SPAG16: variants seen among roughly 807,000 people sequenced by gnomAD.
The protein encoded by SPAG16 is sperm associated antigen 16.
SPAG16 carries 86 observed loss-of-function variants against 80.4 expected under a neutral mutation model. The ratio of observed to expected loss-of-function variants is 1.07; its 90% CI spans 0.90 to 1.28. SPAG16 has a LOEUF of 1.28. SPAG16 is among the 50% of genes most tolerant of loss of function. The pLI, the probability that SPAG16 is intolerant of heterozygous loss-of-function variation, is 0.00. For synonymous variants in SPAG16, 294 were observed against 265.9 expected, an observed-to-expected ratio of 1.11 and a Z score of -1.03; for missense variants, 870 against 765.3, an observed-to-expected ratio of 1.14 and a Z score of -1.61.
chr2:214,096,662 A>G (rs975551317), intron 13 of SPAG16, among the ~76,000 whole-genome samples: 5 of 152,090 alleles, frequency 3.3e-5, no homozygotes, highest in Admixed American at 6.6e-5. Flanking sequence ...ACAAAGAAAT[A>G]AAAAATACTA....
chr2:213,662,091 C>A (rs1288052269), intron 10 of SPAG16, among the ~76,000 whole-genome samples: 1 of 151,470 alleles, frequency 6.6e-6, no homozygotes, highest in Non-Finnish European at 1.5e-5. Flanking sequence ...AGGCCAGATA[C>A]TAGGCTAGGT....
At chr2:213,699,526 G>A (rs569154342) in intron 10 of SPAG16, among the ~76,000 whole-genome samples, 6 of 152,176 alleles carry the variant, frequency 3.9e-5, no homozygotes, top group African/African-American at 1.4e-4. Context: ...CTAATAATAT[G>A]GGCTAATGGG....
At chr2:214,083,841 A>C (rs2051544363) in intron 13 of SPAG16, among the ~76,000 whole-genome samples, 1 of 152,080 alleles carries the variant, frequency 6.6e-6, no homozygotes, top group South Asian at 2.1e-4. Flanking sequence ...AGAAATGCAC[A>C]AAGTCCTGCT....
intron 9 of SPAG16, among the ~76,000 whole-genome samples, chr2:213,416,099 C>G (rs990591915): frequency 2.6e-5 from 4 of 152,210 alleles, no homozygotes; most frequent in Non-Finnish European, 5.9e-5. Context: ...ATGTCACATA[C>G]AGTGAGTTTG....
intron 14 of SPAG16, among the ~76,000 whole-genome samples, chr2:214,112,257 C>T (rs1022160705): frequency 7.2e-5 from 11 of 151,982 alleles, no homozygotes; most frequent in African/African-American, 1.2e-4. Context: ...AGAATAAGTG[C>T]GATGTGGTGC....
intron 15 of SPAG16, among the ~76,000 whole-genome samples, chr2:214,165,484 T>A (rs2056613757): frequency 1.7e-5 from 2 of 115,324 alleles, no homozygotes; most frequent in Admixed American, 1.9e-4. Flanking sequence ...TTTTTTTTTT[T>A]TTTTTTTTTT....
chr2:213,427,188 C>A (rs2069987219), intron 9 of SPAG16, among the ~76,000 whole-genome samples: 1 of 152,140 alleles, frequency 6.6e-6, no homozygotes, highest in Non-Finnish European at 1.5e-5. Context: ...AAATAATATG[C>A]AAAATACATA....
chr2:213,503,439 T>C (rs771930131), intron 10 of SPAG16, among the ~76,000 whole-genome samples: 1 of 152,244 alleles, frequency 6.6e-6, no homozygotes, highest in Non-Finnish European at 1.5e-5. Flanking sequence ...GAACATTTGA[T>C]GATGAAGTGA....
intron 10 of SPAG16, among the ~76,000 whole-genome samples, chr2:213,818,799 C>G (rs139251266): frequency 0.013 from 1,980 of 152,160 alleles, 51 homozygotes; most frequent in African/African-American, 0.045. Flanking sequence ...CTCATGAGAT[C>G]TGATGGTTTA....
chr2:213,463,468 G>A (rs371871497), intron 9 of SPAG16, among the ~76,000 whole-genome samples: 1 of 152,198 alleles, frequency 6.6e-6, no homozygotes, highest in African/African-American at 2.4e-5. Flanking sequence ...TTCATTGACC[G>A]GGCCCAGGGC....
intron 15 of SPAG16, among the ~76,000 whole-genome samples, chr2:214,183,434 T>C (rs2057366979): frequency 6.6e-6 from 1 of 152,014 alleles, no homozygotes; most frequent in African/African-American, 2.4e-5. Context: ...CATCAGGGTG[T>C]ACACCTCTGC....
chr2:214,398,372 G>A (rs1701518973), intron 15 of SPAG16, among the ~76,000 whole-genome samples: 2 of 152,132 alleles, frequency 1.3e-5, no homozygotes, highest in South Asian at 4.1e-4. Context: ...ATTCAGACAA[G>A]TCACACTCCA....
intron 15 of SPAG16, among the ~76,000 whole-genome samples, chr2:214,230,114 T>C (rs1181933498): frequency 4.6e-5 from 7 of 151,964 alleles, no homozygotes; most frequent in Non-Finnish European, 1.0e-4. Flanking sequence ...AAATTTAATA[T>C]TCAGCCTCCT....
chr2:214,228,102 T>C (rs1287293371), intron 15 of SPAG16, among the ~76,000 whole-genome samples: 2 of 152,010 alleles, frequency 1.3e-5, no homozygotes, highest in Non-Finnish European at 2.9e-5. Context: ...CAAGCATGCA[T>C]TCCAATTAGT....
In SPAG16 at chr2:213,310,049, T is replaced by C. The variant is rs1003623259; in HGVS notation, c.280-10T>C. 9.6e-6 allele frequency: 15 copies of C among 1,557,944 alleles called. No individual in the cohort carries two copies. Among genetic ancestry groups the C allele is most frequent in the Non-Finnish European group, 1.3e-5 (15 of 1,134,838 alleles). On this transcript the variant is annotated splice_polypyrimidine_tract_variant and intron_variant, in intron 3 of 15. Coordinates refer to ENST00000331683, the MANE Select transcript of SPAG16 (RefSeq NM_024532.5). ...TTTTCAGAATAAATAAATGCACGTTTAAATTTCAGGAACGGAAAACAGTTC... is the reference window on the plus strand; with the variant it reads ...TTTTCAGAATAAATAAATGCACGTTCAAATTTCAGGAACGGAAAACAGTTC...
intron 12 of SPAG16, among the ~76,000 whole-genome samples, chr2:213,944,818 G>A (rs2079368465): frequency 6.6e-6 from 1 of 152,068 alleles, no homozygotes; most frequent in South Asian, 2.1e-4. Context: ...CCTCTTGAAT[G>A]GGAGTTGTGC....
chr2:213,862,359 G>T, intron 10 of SPAG16, 126 bp from the exon 11 acceptor site: 1 of 1,159,104 alleles, frequency 8.6e-7, no homozygotes. Flanking sequence ...TCTTATTTTG[G>T]GGCCAGTACT....
intron 10 of SPAG16, among the ~76,000 whole-genome samples, chr2:213,856,847 A>ACT (rs1553645140): frequency 7.6e-4 from 115 of 151,960 alleles, no homozygotes; most frequent in Non-Finnish European, 9.6e-4. Flanking sequence ...ATAACATAAA[A>ACT]GTATGGTGAA....
chr2:213,344,058 C>T (rs1417046628), intron 6 of SPAG16, among the ~76,000 whole-genome samples: 1 of 152,176 alleles, frequency 6.6e-6, no homozygotes, highest in East Asian at 1.9e-4. Context: ...AGACTTTAGC[C>T]AGGACTGTAC....
Sources: gnomAD v4.1 joint callset for allele counts (sites outside exome capture counted in the v4.1 genomes callset) on GRCh38, gnomAD v4.1.1 for gene constraint, MANE v1.5 for transcripts, NCBI Gene and HGNC (gene_info 2026-07-23, HGNC 2026-07-21) for gene names.